The following PLCG2 variants were observed in gnomAD, a reference collection of about 807,000 sequenced individuals.
PLCG2 encodes 1-phosphatidylinositol 4,5-bisphosphate phosphodiesterase gamma-2.
Under a neutral mutation model 175.6 loss-of-function variants are expected in PLCG2, and 69 were observed. That is an observed-to-expected ratio of 0.39 (90% CI 0.32 to 0.48). The LOEUF is 0.48. Among genes scored for constraint, PLCG2 ranks in the 20% least tolerant of loss-of-function variants. The pLI, the probability that PLCG2 is intolerant of heterozygous loss-of-function variation, is 0.91. For missense variants in PLCG2, 1,798 were observed against 1,650.9 expected (o/e 1.09, Z -1.54); for synonymous variants, 827 against 624.0 (o/e 1.33, Z -4.85).
rs769180169 is a variant in PLCG2, at chr16:81,895,890, G to C, written c.1156G>C (p.Val386Leu). ...RTTKIKFDDV[V>L]QAIKDHAFVT... The stretch of plus-strand genomic sequence containing the variant: ...TACCAAGATCAAGTTTGACGACGTC[G>C]TGCAGGCCATCAAAGACCACGCCTT... The change falls in exon 13 of 33, where the codon GTG (valine) becomes CTG (leucine). Residue 386 changes from valine to leucine, a missense_variant. Physicochemically the swap from Val to Leu is conservative, Grantham distance 32. Transcript: ENST00000564138. The C allele has an allele frequency of 6.2e-7, 1 of 1,614,128 alleles. No individual in the cohort carries two copies. The highest frequency in any genetic ancestry group is 8.5e-7 in the Non-Finnish European group (1 of 1,180,014).
In PLCG2 at chr16:81,946,184, C is replaced by A. The variant is rs781497956; in HGVS notation, c.3491C>A (p.Ser1164Tyr). ...CCTTGTTCTGCTTCAGGATTCAGGT[C>A]CGTTCCTCTGAAGAATGGGTACAGC... ...PIKAVKSGFRSVPLKNGYSED... is the reference protein window; with the variant it reads ...PIKAVKSGFRYVPLKNGYSED... Residue 1164 changes from serine (S) to tyrosine (Y), a missense_variant, in exon 31 of 33, where the codon TCC becomes TAC. Physicochemically the swap from Ser to Tyr is moderately radical, Grantham distance 144. Transcript: ENST00000564138. 6.2e-7 allele frequency: 1 copy of A among 1,613,412 alleles called. No homozygotes were observed. Among genetic ancestry groups the A allele is most frequent in the East Asian group, 2.2e-5 (1 of 44,876 alleles).
intron 2 of PLCG2, among the ~76,000 whole-genome samples, chr16:81,821,120 G>A (rs993556972): frequency 6.6e-6 from 1 of 152,246 alleles, no homozygotes; most frequent in African/African-American, 2.4e-5. Context: ...TAGAACTCCT[G>A]ATGTCAAATG....
At position 81,867,429 on chromosome 16, in the gene PLCG2, T is replaced by C. The variant is rs577707189; in HGVS notation, c.480-1785T>C. 2.6e-5 allele frequency among the ~76,000 whole-genome samples: 4 copies of C among 152,320 alleles called. No individual in the cohort carries two copies. The South Asian group carries it at 6.2e-4, about 24-fold the overall frequency. ...TGGAGGCAGTCAGGTGTGGTCATTA[T>C]GGGCACACTGGGTTGGAGTTTGAGG... On this transcript the variant is annotated intron_variant, in intron 5 of 32. Coordinates refer to ENST00000564138, the MANE Select transcript of PLCG2 (RefSeq NM_002661.5).
At chr16:81,934,921 A>C (rs892329966) in intron 26 of PLCG2, among the ~76,000 whole-genome samples, 4 of 152,172 alleles carry the variant, frequency 2.6e-5, no homozygotes, top group Non-Finnish European at 5.9e-5. Context: ...ACAACGGTAC[A>C]GGGGAAACCA....
At chr16:81,761,530 G>C (rs8061457) in intron 2 of PLCG2, among the ~76,000 whole-genome samples, 96,684 of 152,026 alleles carry the variant, frequency 0.64, 30,937 homozygotes, top group Middle Eastern at 0.66. Context: ...AGAGTCATAT[G>C]TCTTTCCCTC....
intron 2 of PLCG2, among the ~76,000 whole-genome samples, chr16:81,764,294 C>G (rs541931321): frequency 9.8e-4 from 149 of 152,042 alleles, no homozygotes; most frequent in African/African-American, 3.5e-3. Context: ...GAGATCCTGT[C>G]TCAAAATAAA....
intron 26 of PLCG2, among the ~76,000 whole-genome samples, chr16:81,934,801 C>G (rs143861248): frequency 1.3e-5 from 2 of 151,036 alleles, no homozygotes; most frequent in South Asian, 4.2e-4. Context: ...CACAGTTCCA[C>G]GTGGAGGAGG....
chr16:81,790,001 C>A (rs1335479692), intron 2 of PLCG2, among the ~76,000 whole-genome samples: 1 of 152,202 alleles, frequency 6.6e-6, no homozygotes, highest in Admixed American at 6.5e-5. Context: ...CTTCCAGTGC[C>A]CTTGGATGAG....
At chr16:81,793,367 G>C (rs1009417993) in intron 2 of PLCG2, among the ~76,000 whole-genome samples, 3 of 152,174 alleles carry the variant, frequency 2.0e-5, no homozygotes, top group Non-Finnish European at 4.4e-5. Context: ...TTTCTGAGTT[G>C]AGCCTTAGGT....
At chr16:81,773,833 G>A (rs552841765) in intron 2 of PLCG2, among the ~76,000 whole-genome samples, 6 of 152,224 alleles carry the variant, frequency 3.9e-5, no homozygotes, top group Non-Finnish European at 7.4e-5. Context: ...GAGAGTGAGC[G>A]ACTGGGACTG....
chr16:81,895,376 T>C (rs1378394248), intron 12 of PLCG2, among the ~76,000 whole-genome samples: 3 of 152,116 alleles, frequency 2.0e-5, no homozygotes, highest in African/African-American at 7.2e-5. Flanking sequence ...CTGGCCAACA[T>C]GGTGCAACCC....
At chr16:81,893,106 G>A (rs796609577) in intron 11 of PLCG2, among the ~76,000 whole-genome samples, 7 of 152,184 alleles carry the variant, frequency 4.6e-5, no homozygotes, top group African/African-American at 1.4e-4. Context: ...TGATCTGCCC[G>A]CCTCAGCCTG....
intron 7 of PLCG2, among the ~76,000 whole-genome samples, chr16:81,877,532 G>T (rs959839903): frequency 6.6e-6 from 1 of 152,242 alleles, no homozygotes; most frequent in Non-Finnish European, 1.5e-5. Flanking sequence ...CCAGGTGTTG[G>T]CAGGGCCACA....
At chr16:81,746,869 T>A (rs999540578) in intron 1 of PLCG2, among the ~76,000 whole-genome samples, 3 of 152,266 alleles carry the variant, frequency 2.0e-5, no homozygotes, top group Non-Finnish European at 4.4e-5. Flanking sequence ...ACCAGGAGTA[T>A]GAATTCTGCT....
At chr16:81,772,024 C>G (rs1388872391) in intron 2 of PLCG2, among the ~76,000 whole-genome samples, 1 of 152,150 alleles carries the variant, frequency 6.6e-6, no homozygotes, top group African/African-American at 2.4e-5. Context: ...CTTAAGTGAT[C>G]TGCCCACTTC....
chr16:81,919,318 C>G (rs1277297396), intron 19 of PLCG2, among the ~76,000 whole-genome samples, 166 bp from the exon 20 acceptor site: 1 of 152,188 alleles, frequency 6.6e-6, no homozygotes, highest in Non-Finnish European at 1.5e-5. Flanking sequence ...ATACCCACAT[C>G]ATTGTTTTCT....
At position 81,931,539 on chromosome 16, in the gene PLCG2, T is replaced by G. The variant is rs375364337; in HGVS notation, c.2624T>G (p.Ile875Ser). Residue 875 changes from isoleucine (I) to serine (S), a missense_variant, in exon 25 of 33, where the codon ATC becomes AGC. Transcript: ENST00000564138. The stretch of plus-strand genomic sequence containing the variant: ...AAAAACCAGAAGTCCTTTGTCTTCA[T>G]CCTGGAGCCCAAGCAGCAGGGCGAT... ...QGKNQKSFVFILEPKQQGDPP... is the reference protein window; with the variant it reads ...QGKNQKSFVFSLEPKQQGDPP... The G allele has an allele frequency of 1.9e-6, 3 of 1,614,154 alleles. No individual in the cohort carries two copies. Among genetic ancestry groups the G allele is most frequent in the Non-Finnish European group, 2.5e-6 (3 of 1,179,998 alleles).
At position 81,905,419 on chromosome 16, in the gene PLCG2, C is replaced by T; in HGVS notation, c.1379C>T (p.Pro460Leu). 1 of 1,613,924 alleles carries T rather than the reference C, an allele frequency of 6.2e-7. No individual in the cohort carries two copies. The highest frequency in any genetic ancestry group is 8.5e-7 in the Non-Finnish European group (1 of 1,179,824). Residue 460 changes from proline (P) to leucine (L), a missense_variant, in exon 15 of 33, where the codon CCC becomes CTC. Coordinates refer to ENST00000564138, the MANE Select transcript of PLCG2 (RefSeq NM_002661.5). The stretch of plus-strand genomic sequence containing the variant: ...TCCCCTCAGCATAAGAAGCTGGGCC[C>T]CCGAGGCGATGTGGATGTCAACATG... ...KIIIKHKKLG[P>L]RGDVDVNMED...
intron 23 of PLCG2, 135 bp downstream of exon 23, chr16:81,927,313 GAC>G (rs1910316940): frequency 1.5e-6 from 1 of 650,980 alleles, no homozygotes; most frequent in Admixed American, 2.5e-5. Flanking sequence ...GATCAGGGAA[GAC>G]ACAGTGATGA....
Sources: gnomAD v4.1 joint callset for allele counts (sites outside exome capture counted in the v4.1 genomes callset) on GRCh38, gnomAD v4.1.1 for gene constraint, MANE v1.5 for transcripts, NCBI Gene and HGNC (gene_info 2026-07-23, HGNC 2026-07-21) for gene names.